NRXN3: variants seen among roughly 807,000 people sequenced by gnomAD.
NRXN3 encodes the protein neurexin 3.
NRXN3 carries 32 observed loss-of-function variants against 137.6 expected under a neutral mutation model. That is an observed-to-expected ratio of 0.23 (90% CI 0.18 to 0.31). The LOEUF is 0.31. Among genes scored for constraint, NRXN3 ranks in the 10% least tolerant of loss-of-function variants. The probability of loss-of-function intolerance (pLI) is 1.00; values close to 1 mark genes in which losing one functional copy is unlikely to be tolerated. For synonymous variants in NRXN3, 798 were observed against 784.5 expected, an observed-to-expected ratio of 1.02 and a Z score of -0.29; for missense variants, 1,574 against 2,062.5, an observed-to-expected ratio of 0.76 and a Z score of 4.59.
intron 15 of NRXN3, among the ~76,000 whole-genome samples, chr14:79,328,324 T>C (rs1027397140): frequency 2.0e-5 from 3 of 152,180 alleles, no homozygotes; most frequent in African/African-American, 4.8e-5. Flanking sequence ...AAAGTTTTGA[T>C]TGGAACTTGA....
At chr14:79,787,384 A>T (rs2099132369) in intron 19 of NRXN3, among the ~76,000 whole-genome samples, 2 of 152,218 alleles carry the variant, frequency 1.3e-5, no homozygotes, top group South Asian at 4.1e-4. Flanking sequence ...TCTTTGTAGC[A>T]AGAACATTTA....
intron 8 of NRXN3, among the ~76,000 whole-genome samples, chr14:78,758,728 C>G (rs982126702): frequency 6.6e-6 from 1 of 152,204 alleles, no homozygotes; most frequent in Non-Finnish European, 1.5e-5. Flanking sequence ...TGCGCTAATG[C>G]TTTTCCCCTT....
intron 1 of NRXN3, among the ~76,000 whole-genome samples, chr14:78,194,139 A>AT (rs903081814): frequency 9.9e-5 from 15 of 152,220 alleles, no homozygotes; most frequent in Admixed American, 5.2e-4. Context: ...CATGAAAAGG[A>AT]TTTTCTAGAT....
chr14:79,461,889 A>G lies in NRXN3; in HGVS notation c.3263-5332A>G, dbSNP rs148819179. ...TAGAGGAAGACCAACATACCTTACC[A>G]TTATGAGATTTTATACTAAGTCCTG... is the stretch of plus-strand genomic sequence containing the variant. On this transcript the variant is annotated intron_variant, in intron 15 of 20. Transcript: ENST00000335750. 6.4e-3 allele frequency among the ~76,000 whole-genome samples: 976 copies of G among 152,312 alleles called. 8 individuals are homozygous for G. Among genetic ancestry groups the G allele is most frequent in the African/African-American group, 0.022 (902 of 41,558 alleles).
chr14:79,254,771 T>C (rs1437831607), intron 15 of NRXN3, among the ~76,000 whole-genome samples: 3 of 152,126 alleles, frequency 2.0e-5, no homozygotes, highest in African/African-American at 7.2e-5. Context: ...TGCTGATGCT[T>C]TGGGAGGCAA....
At chr14:79,219,471 T>C (rs2069140454) in intron 15 of NRXN3, among the ~76,000 whole-genome samples, 1 of 152,150 alleles carries the variant, frequency 6.6e-6, no homozygotes, top group Admixed American at 6.5e-5. Flanking sequence ...TTACCATTAG[T>C]ACAATGTGGA....
chr14:79,245,684 A>T (rs1279236711), intron 15 of NRXN3, among the ~76,000 whole-genome samples: 1 of 152,134 alleles, frequency 6.6e-6, no homozygotes, highest in African/African-American at 2.4e-5. Context: ...GTTGTTTCTG[A>T]TGATAAGTTT....
At chr14:78,186,683 G>A (rs1419181372) in intron 1 of NRXN3, among the ~76,000 whole-genome samples, 2 of 152,184 alleles carry the variant, frequency 1.3e-5, no homozygotes, top group Non-Finnish European at 2.9e-5. Context: ...CTCTCCCTGA[G>A]CTGGCAAAAG....
intron 4 of NRXN3, among the ~76,000 whole-genome samples, chr14:78,444,547 C>T (rs1332247407): frequency 6.6e-6 from 1 of 152,138 alleles, no homozygotes; most frequent in East Asian, 1.9e-4. Flanking sequence ...AAGATGGAAC[C>T]TGACTGGTAA....
intron 15 of NRXN3, among the ~76,000 whole-genome samples, chr14:79,172,324 G>A (rs986989898): frequency 1.3e-4 from 20 of 152,088 alleles, no homozygotes; most frequent in African/African-American, 4.6e-4. Flanking sequence ...CTCTTGAGGT[G>A]TCAGTAAAAG....
intron 15 of NRXN3, among the ~76,000 whole-genome samples, chr14:79,380,589 G>A (rs1394505185): frequency 6.6e-6 from 1 of 152,188 alleles, no homozygotes; most frequent in South Asian, 2.1e-4. Context: ...TCTTAATCCA[G>A]TCTATCATTG....
chr14:78,891,346 A>G (rs2099158325), intron 10 of NRXN3, among the ~76,000 whole-genome samples: 2 of 152,006 alleles, frequency 1.3e-5, no homozygotes, highest in Admixed American at 1.3e-4. Context: ...ATGCTCTAGT[A>G]GTGAGCAGAG....
At chr14:79,438,932 T>C (rs2095886596) in intron 15 of NRXN3, among the ~76,000 whole-genome samples, 1 of 152,270 alleles carries the variant, frequency 6.6e-6, no homozygotes, top group African/African-American at 2.4e-5. Context: ...CTGTTGTAGA[T>C]TAAGCCTGTT....
intron 15 of NRXN3, among the ~76,000 whole-genome samples, chr14:79,003,414 T>G (rs1004265637): frequency 6.6e-6 from 1 of 152,202 alleles, no homozygotes; most frequent in Admixed American, 6.5e-5. Context: ...TGTAATCTAA[T>G]TTAGTCTTTA....
At chr14:79,779,060 A>G (rs950151212) in intron 19 of NRXN3, among the ~76,000 whole-genome samples, 1 of 152,242 alleles carries the variant, frequency 6.6e-6, no homozygotes, top group Non-Finnish European at 1.5e-5. Context: ...CAAAATACTC[A>G]GCACAGTGCT....
intron 4 of NRXN3, among the ~76,000 whole-genome samples, chr14:78,471,684 G>A (rs2095275682): frequency 1.3e-5 from 2 of 152,156 alleles, no homozygotes; most frequent in Admixed American, 1.3e-4. Flanking sequence ...TGGTGATATA[G>A]GTAATGGTAA....
At chr14:78,781,084 T>A (rs2098767633) in intron 8 of NRXN3, among the ~76,000 whole-genome samples, 2 of 152,174 alleles carry the variant, frequency 1.3e-5, no homozygotes, top group East Asian at 3.8e-4. Context: ...CATCCAATAC[T>A]GGAGCAGAAC....
At chr14:78,381,010 A>G (rs1405287681) in intron 4 of NRXN3, among the ~76,000 whole-genome samples, 1 of 152,182 alleles carries the variant, frequency 6.6e-6, no homozygotes, top group Non-Finnish European at 1.5e-5. Context: ...GAATATGCCC[A>G]ACTGATTATT....
At chr14:79,726,134 C>T (rs1393863418) in intron 19 of NRXN3, among the ~76,000 whole-genome samples, 1 of 152,112 alleles carries the variant, frequency 6.6e-6, no homozygotes, top group East Asian at 1.9e-4. Flanking sequence ...GAGACTTAGG[C>T]TAATTTTTTT....
Sources: gnomAD v4.1 joint callset for allele counts (sites outside exome capture counted in the v4.1 genomes callset) on GRCh38, gnomAD v4.1.1 for gene constraint, MANE v1.5 for transcripts, NCBI Gene and HGNC (gene_info 2026-07-23, HGNC 2026-07-21) for gene names.